The following SIDT2 variants were observed in gnomAD, a reference collection of about 807,000 sequenced individuals.
The protein encoded by SIDT2 is SID1 transmembrane family, member 2.
SIDT2 carries 68 observed loss-of-function variants against 114.4 expected under a neutral mutation model. That is an observed-to-expected ratio of 0.59 (90% confidence interval 0.49 to 0.73). SIDT2 has a LOEUF of 0.73. Ranked by LOEUF, SIDT2 falls within the 30% of genes least tolerant of loss-of-function variation. The pLI is 0.00. For missense variants in SIDT2, 918 were observed against 1,097.1 expected, an observed-to-expected ratio of 0.84 and a Z score of 2.31; for synonymous variants, 470 against 438.4, an observed-to-expected ratio of 1.07 and a Z score of -0.90.
In SIDT2 at chr11:117,196,435, T is replaced by G; in HGVS notation, c.*369T>G. The G allele has an allele frequency of 3.6e-6, 1 of 279,782 alleles. No individual in the cohort carries two copies. The highest frequency in any genetic ancestry group is 6.9e-6 in the Non-Finnish European group (1 of 144,136). The allele number at this position is 279,782 out of a possible 1,614,324, so 17.3% of individuals were successfully genotyped here. ...TTCATGCCTTGCATTTTGCCCGTCC[T>G]CCTCCCCACAATGCCCCAGCCTGGG... On this transcript the variant is annotated 3_prime_UTR_variant, in exon 26 of 26. Coordinates refer to ENST00000324225, the MANE Select transcript of SIDT2 (RefSeq NM_001040455.2). This position sits in a 1 kb window ranked among gnomAD's most constrained non-coding sequence, Gnocchi z 4.9.
Position 117,189,986 on chromosome 11 carries a change from A to T in SIDT2, c.1454A>T (p.Tyr485Phe). 6.2e-7 allele frequency: 1 copy of T among 1,614,158 alleles called. No individual in the cohort carries two copies. Among genetic ancestry groups the T allele is most frequent in the Non-Finnish European group, 8.5e-7 (1 of 1,180,016 alleles). ...GTCACAGGGAATCAGGACATCTGCT[A>T]CTACAACTTCCTCTGCGCCCACCCA... is the stretch of plus-strand genomic sequence containing the variant. ...VNVTGNQDIC[Y>F]YNFLCAHPLG... Residue 485 changes from tyrosine (Y) to phenylalanine (F), a missense_variant, in exon 16 of 26, where the codon TAC (tyrosine) becomes TTC (phenylalanine). Transcript: ENST00000324225.
At chr11:117,186,002 G>A in intron 8 of SIDT2, 128 bp from the exon 9 acceptor site, 1 of 716,250 alleles carries the variant, frequency 1.4e-6, no homozygotes, top group East Asian at 2.6e-5. Flanking sequence ...GCTAGGCAGG[G>A]CCTTACATTT....
chr11:117,185,335 A>G (rs2030455393), intron 8 of SIDT2, among the ~76,000 whole-genome samples: 1 of 150,402 alleles, frequency 6.6e-6, no homozygotes, highest in South Asian at 2.2e-4. Context: ...GGCGTGAGCC[A>G]CCGCGCCCGG....
rs2030297479 is a variant in SIDT2 at position 117,181,800 on chromosome 11, G to A, written c.306-7G>A. ...CTCACATCCTATCTCCCTGCTTCGG[G>A]CCATAGGTTTCAGCGCAAGTACCTC... On this transcript the variant is annotated splice_region_variant and splice_polypyrimidine_tract_variant and intron_variant, in intron 2 of 25. Coordinates refer to ENST00000324225, the MANE Select transcript of SIDT2 (RefSeq NM_001040455.2). The A allele has an allele frequency of 9.3e-6, 15 of 1,614,030 alleles. No homozygotes were observed. In the South Asian group the frequency reaches 1.5e-4, roughly 17 times the overall value.
In SIDT2 at chr11:117,196,359, T is replaced by C. The variant is rs573860410; in HGVS notation, c.*293T>C. 25 of 447,566 alleles carry C rather than the reference T, an allele frequency of 5.6e-5. No homozygotes were observed. Among genetic ancestry groups the C allele is most frequent in the Non-Finnish European group, 8.6e-5 (21 of 244,784 alleles). The allele number at this position is 447,566 out of a possible 1,614,324, so 27.7% of individuals were successfully genotyped here. ...CTTCCATGGGCCCCTGTCCTTTGGC[T>C]CTCCATTTGTCCCTTTGCAAGAGGA... On this transcript the variant is annotated 3_prime_UTR_variant, in exon 26 of 26. Transcript: ENST00000324225. The surrounding 1 kb of genome is among the most constrained non-coding windows in gnomAD (Gnocchi z 4.9).
chr11:117,190,817 C>T lies in SIDT2; in HGVS notation c.1735+77C>T, dbSNP rs762194776. The T allele has an allele frequency of 3.4e-6, 4 of 1,182,474 alleles. No individual in the cohort carries two copies. The South Asian group carries it at 5.0e-5, about 15-fold the overall frequency. The allele number at this position is 1,182,474 out of a possible 1,614,324, so 73.2% of individuals were successfully genotyped here. Reference sequence around the variant, plus strand: ...GAGTCCTTCACTATCCCCAAGTCACCCACAGGGATCGCTAAGACACCCCTG... The same window carrying T: ...GAGTCCTTCACTATCCCCAAGTCACTCACAGGGATCGCTAAGACACCCCTG... On this transcript the variant is annotated intron_variant, in intron 18 of 25. Coordinates refer to ENST00000324225, the MANE Select transcript of SIDT2 (RefSeq NM_001040455.2). This position sits in a 1 kb window ranked among gnomAD's most constrained non-coding sequence, Gnocchi z 4.1.
intron 24 of SIDT2, among the ~76,000 whole-genome samples, chr11:117,195,223 G>C (rs1203595179): frequency 6.6e-6 from 1 of 151,624 alleles, no homozygotes; most frequent in African/African-American, 2.4e-5. Flanking sequence ...GAGCCAGGCA[G>C]ACTGTGAGCT....
rs113823683 is a variant in SIDT2 at position 117,192,419 on chromosome 11, C to T, written c.1981+57C>T. On this transcript the variant is annotated intron_variant, in intron 20 of 25. Coordinates refer to ENST00000324225, the MANE Select transcript of SIDT2 (RefSeq NM_001040455.2). This position sits in a 1 kb window ranked among gnomAD's most constrained non-coding sequence, Gnocchi z 5.9. ...AGGGGTCTGGGGGGCCTTGGGAACC[C>T]GGACGCACGGGAGACGCTCAGGTTC... The T allele has an allele frequency of 1.5e-3, 2,096 of 1,402,326 alleles. 14 individuals carry two copies. In the African/African-American group the frequency reaches 0.022, roughly 15 times the overall value. 86.9% of individuals were successfully genotyped at this position (1,402,326 alleles called of 1,614,324 possible). A position where few individuals can be genotyped will look rare whatever the true frequency, so the allele number is the denominator to read the frequency against.
chr11:117,196,156 C>T lies in SIDT2; in HGVS notation c.*90C>T. On this transcript the variant is annotated 3_prime_UTR_variant, in exon 26 of 26. Transcript: ENST00000324225. The surrounding 1 kb of genome is among the most constrained non-coding windows in gnomAD (Gnocchi z 4.9). ...CTCTGTCGTGCTGTGGGGATGAGTCCCAGCACCGCTGCCCAGCACTGGATG... is the reference window on the plus strand; with the variant it reads ...CTCTGTCGTGCTGTGGGGATGAGTCTCAGCACCGCTGCCCAGCACTGGATG... The T allele has an allele frequency of 6.5e-7, 1 of 1,539,182 alleles. No individual in the cohort carries two copies. Among genetic ancestry groups the T allele is most frequent in the Non-Finnish European group, 8.9e-7 (1 of 1,122,334 alleles).
intron 24 of SIDT2, among the ~76,000 whole-genome samples, chr11:117,195,534 A>C (rs1471229930): frequency 1.3e-5 from 2 of 152,196 alleles, no homozygotes; most frequent in Non-Finnish European, 2.9e-5. Context: ...CTGTGCTCTT[A>C]GGTCAAGGGA....
rs147593704 is a variant in SIDT2, at chr11:117,192,578, G to C, written c.1986G>C (p.Ser662=). The change falls in exon 21 of 26, where the codon TCG becomes TCC. Residue 662 remains serine, a synonymous_variant. Transcript: ENST00000324225. The surrounding 1 kb of genome is among the most constrained non-coding windows in gnomAD (Gnocchi z 5.9). ...LYYMGRWKLD[S]GIFRRILHVL... ...ACCACTCCCTTCTCTTCGCAGACTC[G>C]GGGATCTTCCGCCGCATCCTCCACG... is the stretch of plus-strand genomic sequence containing the variant. 1.2e-6 allele frequency: 2 copies of C among 1,609,080 alleles called. No individual in the cohort carries two copies. Among genetic ancestry groups the C allele is most frequent in the African/African-American group, 2.7e-5 (2 of 75,050 alleles).
At position 117,192,289 on chromosome 11, in the gene SIDT2, C is replaced by T; in HGVS notation, c.1908C>T (p.Val636=). 6.2e-7 allele frequency: 1 copy of T among 1,612,578 alleles called. No individual in the cohort carries two copies. Residue 636 remains valine (V), a synonymous_variant, in exon 20 of 26, where the codon GTC becomes GTT. Coordinates refer to ENST00000324225, the MANE Select transcript of SIDT2 (RefSeq NM_001040455.2). This position sits in a 1 kb window ranked among gnomAD's most constrained non-coding sequence, Gnocchi z 5.9. ...AAGGGAACACGGCGTTCTGGATCGT[C>T]TTCTCCATCATTCACATCATCGCCA... ...FGKGNTAFWI[V]FSIIHIIATL...
At chr11:117,184,457 A>C (rs549295386) in intron 8 of SIDT2, among the ~76,000 whole-genome samples, 1 of 152,320 alleles carries the variant, frequency 6.6e-6, no homozygotes, top group Admixed American at 6.5e-5. Context: ...AATCTTATTT[A>C]TTCTGAAGGA....
In SIDT2 at chr11:117,190,056, A is replaced by G. The variant is rs758609676; in HGVS notation, c.1493+31A>G. On this transcript the variant is annotated intron_variant, in intron 16 of 25. Coordinates refer to ENST00000324225, the MANE Select transcript of SIDT2 (RefSeq NM_001040455.2). The surrounding 1 kb of genome is among the most constrained non-coding windows in gnomAD (Gnocchi z 4.1). ...GGTCATGCTGGGAGGCCCCTTGTCCAGGCCAAGGGTGAAATGGGGCAGGGC... is the reference window on the plus strand; with the variant it reads ...GGTCATGCTGGGAGGCCCCTTGTCCGGGCCAAGGGTGAAATGGGGCAGGGC... The G allele has an allele frequency of 5.0e-6, 8 of 1,613,812 alleles. No homozygotes were observed. The highest frequency in any genetic ancestry group is 1.7e-5 in the Admixed American group (1 of 59,988).
intron 24 of SIDT2, chr11:117,194,176 G>A (rs911705401): frequency 9.2e-5 from 43 of 468,192 alleles, no homozygotes; most frequent in African/African-American, 6.5e-4. Flanking sequence ...TTAGCCTGGC[G>A]TGGTGGTATT....
At chr11:117,195,350 G>A (rs2030860090) in intron 24 of SIDT2, among the ~76,000 whole-genome samples, 1 of 152,144 alleles carries the variant, frequency 6.6e-6, no homozygotes, top group South Asian at 2.1e-4. Context: ...AGGACCTTGA[G>A]TGCCACAGGT....
intron 11 of SIDT2, 81 bp from the exon 12 acceptor site, chr11:117,187,547 C>T (rs2030544481): frequency 4.4e-6 from 7 of 1,591,266 alleles, no homozygotes; most frequent in Non-Finnish European, 6.0e-6. Flanking sequence ...CCTCCTCCAG[C>T]CCCCACACCC....
chr11:117,194,699 C>T (rs1048850593), intron 24 of SIDT2, among the ~76,000 whole-genome samples: 8 of 152,114 alleles, frequency 5.3e-5, no homozygotes, highest in African/African-American at 1.4e-4. Flanking sequence ...ACAGGCAAGA[C>T]GGGGCAGGAG....
At position 117,190,095 on chromosome 11, in the gene SIDT2, A is replaced by G. The variant is rs1019239606; in HGVS notation, c.1493+70A>G. 3.0e-5 allele frequency: 48 copies of G among 1,613,442 alleles called. No individual in the cohort carries two copies. The highest frequency in any genetic ancestry group is 5.3e-5 in the African/African-American group (4 of 74,922). ...ATGGGGCAGGGCCTGGGGCTTTGCA[A>G]TGCCCACGTGGGCTAGGGAAGAGGC... is the stretch of plus-strand genomic sequence containing the variant. On this transcript the variant is annotated intron_variant, in intron 16 of 25. Transcript: ENST00000324225. This position sits in a 1 kb window ranked among gnomAD's most constrained non-coding sequence, Gnocchi z 4.1.
Sources: gnomAD v4.1 joint callset for allele counts (sites outside exome capture counted in the v4.1 genomes callset) on GRCh38, gnomAD v4.1.1 for gene constraint, Gnocchi (gnomAD v3.1) non-coding constraint, MANE v1.5 for transcripts, NCBI Gene and HGNC (gene_info 2026-07-23, HGNC 2026-07-21) for gene names.